Variants in ESRRG observed in about 807,000 individuals in gnomAD.
ESRRG encodes estrogen related receptor gamma.
Under a neutral mutation model 44.0 loss-of-function variants are expected in ESRRG, and 13 were observed. The observed-to-expected ratio is 0.30, with a 90% CI of 0.19 to 0.47. The LOEUF is 0.47. Ranked by LOEUF, ESRRG falls within the 20% of genes least tolerant of loss-of-function variation. The pLI, the probability that ESRRG is intolerant of heterozygous loss-of-function variation, is 1.00. For missense variants in ESRRG, 395 were observed against 580.6 expected (o/e 0.68, Z 3.29); for synonymous variants, 215 against 214.6 (o/e 1.00, Z -0.02).
At chr1:216,904,523 T>C (rs1008647730) in intron 2 of ESRRG, among the ~76,000 whole-genome samples, 1 of 152,114 alleles carries the variant, frequency 6.6e-6, no homozygotes, top group Non-Finnish European at 1.5e-5. Context: ...ATACTATTTT[T>C]CCCCCCTTCT....
rs768254386 is a variant in ESRRG at position 217,006,836 on chromosome 1, A to T, written c.-105-67163T>A. Among the ~76,000 whole-genome samples the T allele has an allele frequency of 9.9e-5, 15 of 152,048 alleles. No homozygotes were observed. The Middle Eastern group carries it at 0.01, about 103-fold the overall frequency. On this transcript the variant is annotated intron_variant, in intron 1 of 7. Transcript: ENST00000359162. ...GCCCTCAAAATGTTTCAGATTTTGG[A>T]GCATTTTGGATTTGGGATTTTCAGA...
intron 1 of ESRRG, among the ~76,000 whole-genome samples, chr1:216,717,846 G>A (rs980301049): frequency 1.3e-5 from 2 of 151,722 alleles, no homozygotes; most frequent in African/African-American, 4.8e-5. Flanking sequence ...TTCATATTTT[G>A]CATTTGTTTG....
chr1:216,812,141 C>T (rs1576817598), intron 2 of ESRRG, among the ~76,000 whole-genome samples: 2 of 152,308 alleles, frequency 1.3e-5, no homozygotes, highest in Admixed American at 6.5e-5. Context: ...CCAAGTCCCA[C>T]TCTCCAGAGA....
intron 1 of ESRRG, among the ~76,000 whole-genome samples, chr1:216,978,652 C>G (rs2073396890): frequency 6.6e-6 from 1 of 152,170 alleles, no homozygotes; most frequent in African/African-American, 2.4e-5. Flanking sequence ...GTGTGCAGTG[C>G]TTCTGAATGT....
upstream of ESRRG, among the ~76,000 whole-genome samples, chr1:216,724,078 T>G (rs1042764202): frequency 6.6e-6 from 1 of 152,210 alleles, no homozygotes; most frequent in African/African-American, 2.4e-5. Context: ...GCATGTGAAC[T>G]GGGATCGTCA....
At position 216,503,955 on chromosome 1, in the gene ESRRG, G is replaced by A. The variant is rs946477420; in HGVS notation, c.*2984C>T. On this transcript the variant is annotated 3_prime_UTR_variant, in exon 7 of 7. Coordinates refer to ENST00000408911, the MANE Select transcript of ESRRG (RefSeq NM_001438.4). ...TGAAACTTGAGAAGACTTCCCTCTA[G>A]TGAGGTTTAAGATGAGCATTTACCC... 1.6e-4 allele frequency: 25 copies of A among 152,538 alleles called. No homozygotes were observed. The highest frequency in any genetic ancestry group is 1.5e-3 in the East Asian group (8 of 5,184). 9.4% of individuals were successfully genotyped at this position (152,538 alleles called of 1,614,324 possible).
At chr1:217,115,898 C>T (rs1278591200) in intron 1 of ESRRG, among the ~76,000 whole-genome samples, 1 of 152,134 alleles carries the variant, frequency 6.6e-6, no homozygotes, top group Non-Finnish European at 1.5e-5. Context: ...ACTCAGCCCC[C>T]AGAACAGTTC....
At chr1:216,741,422 TC>T (rs71556664) in intron 2 of ESRRG, among the ~76,000 whole-genome samples, 2 of 140,206 alleles carry the variant, frequency 1.4e-5, no homozygotes, top group Admixed American at 7.2e-5. Context: ...TTTCTAACAC[TC>T]CCCCCCGCCC....
At position 216,504,201 on chromosome 1, in the gene ESRRG, T is replaced by C. The variant is rs956074548; in HGVS notation, c.*2738A>G. 8 of 152,136 alleles carry C rather than the reference T, an allele frequency of 5.3e-5. No individual in the cohort carries two copies. Among genetic ancestry groups the C allele is most frequent in the African/African-American group, 1.9e-4 (8 of 41,436 alleles). The allele number at this position is 152,136 out of a possible 1,614,324, so 9.4% of individuals were successfully genotyped here. A position where few individuals can be genotyped will look rare whatever the true frequency, so the allele number is the denominator to read the frequency against. On this transcript the variant is annotated 3_prime_UTR_variant, in exon 7 of 7. Transcript: ENST00000408911. ...CAGTGAAAACAATGTATATATTGTA[T>C]ATATTTTATTTATATATAGTGTAGT...
chr1:216,994,267 T>C (rs1412953029), intron 1 of ESRRG, among the ~76,000 whole-genome samples: 1 of 152,216 alleles, frequency 6.6e-6, no homozygotes, highest in Admixed American at 6.5e-5. Flanking sequence ...CAACTGACAA[T>C]TGTTTGGCTT....
intron 2 of ESRRG, among the ~76,000 whole-genome samples, chr1:216,867,835 T>G (rs2149173250): frequency 6.6e-6 from 1 of 152,246 alleles, no homozygotes; most frequent in Non-Finnish European, 1.5e-5. Context: ...ATGAATAGGT[T>G]AATGTAAATA....
At chr1:216,935,434 A>G (rs1170955132) in intron 2 of ESRRG, among the ~76,000 whole-genome samples, 2 of 152,136 alleles carry the variant, frequency 1.3e-5, no homozygotes, top group African/African-American at 2.4e-5. Context: ...TATTATATTT[A>G]TAAGGGATAT....
intron 1 of ESRRG, among the ~76,000 whole-genome samples, chr1:217,133,210 C>T (rs2092989787): frequency 6.6e-6 from 1 of 152,266 alleles, no homozygotes; most frequent in South Asian, 2.1e-4. Flanking sequence ...GAGCAAGTCA[C>T]TTTCCTAAGC....
In ESRRG at chr1:216,516,668, C is replaced by CACACACACACACAGAGAG. The variant is rs376701865; in HGVS notation, c.1132+2483_1132+2484insCTCTCTGTGTGTGTGTGT. ...ACACACACACACACACACACACACA[C>CACACACACACACAGAGAG]AGAGAGAGAGAGAGAAACGACAAAA... On this transcript the variant is annotated intron_variant, in intron 6 of 6. Transcript: ENST00000408911. Among the ~76,000 whole-genome samples, 322 of 137,230 alleles carry CACACACACACACAGAGAG rather than the reference C, an allele frequency of 2.3e-3. 4 individuals are homozygous for CACACACACACACAGAGAG. Among genetic ancestry groups the CACACACACACACAGAGAG allele is most frequent in the African/African-American group, 7.0e-3 (237 of 34,054 alleles). The allele number at this position is 137,230 out of a possible 152,430, so 90.0% of individuals were successfully genotyped here.
chr1:216,872,783 A>G (rs1454811368), intron 2 of ESRRG, among the ~76,000 whole-genome samples: 17 of 152,302 alleles, frequency 1.1e-4, no homozygotes, highest in East Asian at 3.9e-4. Context: ...AAAGTCCAAC[A>G]TCTGTATCTT....
At chr1:216,852,865 TGTCTC>T (rs2095863206) in intron 2 of ESRRG, among the ~76,000 whole-genome samples, 3 of 47,240 alleles carry the variant, frequency 6.4e-5, no homozygotes, top group Non-Finnish European at 4.0e-5. Flanking sequence ...ATTGTTTGAC[TGTCTC>T]TGTCTTGAAA....
At chr1:217,107,994 A>G in intron 1 of ESRRG, among the ~76,000 whole-genome samples, 1 of 149,286 alleles carries the variant, frequency 6.7e-6, no homozygotes, top group East Asian at 1.9e-4. Context: ...GACTCTGATG[A>G]TATTACTGCT....
intron 3 of ESRRG, among the ~76,000 whole-genome samples, chr1:216,588,698 C>A (rs764487141): frequency 2.1e-4 from 32 of 152,244 alleles, no homozygotes; most frequent in Non-Finnish European, 4.1e-4. Context: ...TTTTCTAATT[C>A]CAAGTCCTCT....
At chr1:216,776,585 G>C (rs1457638772) in intron 2 of ESRRG, among the ~76,000 whole-genome samples, 1 of 152,048 alleles carries the variant, frequency 6.6e-6, no homozygotes, top group Non-Finnish European at 1.5e-5. Context: ...ATAAAAAAAT[G>C]CTAAATGGTT....
Sources: gnomAD v4.1 joint callset for allele counts (sites outside exome capture counted in the v4.1 genomes callset) on GRCh38, gnomAD v4.1.1 for gene constraint, MANE v1.5 for transcripts, NCBI Gene and HGNC (gene_info 2026-07-23, HGNC 2026-07-21) for gene names.